Variants in ANKRD33B observed in about 807,000 individuals in gnomAD.
ANKRD33B encodes ankyrin repeat domain-containing protein 33B.
ANKRD33B carries 6 observed loss-of-function variants against 21.5 expected under a neutral mutation model. The observed-to-expected ratio is 0.28, with a 90% confidence interval of 0.15 to 0.55. ANKRD33B has a LOEUF of 0.55. Among genes scored for constraint, ANKRD33B ranks in the 20% least tolerant of loss-of-function variants. The pLI is 0.94. For synonymous variants in ANKRD33B, 347 were observed against 342.4 expected (o/e 1.01, Z -0.15); for missense variants, 698 against 747.2 (o/e 0.93, Z 0.77).
At chr5:10,582,739 G>A (rs2126553774) in intron 1 of ANKRD33B, among the ~76,000 whole-genome samples, 1 of 152,266 alleles carries the variant, frequency 6.6e-6, no homozygotes, top group African/African-American at 2.4e-5. Flanking sequence ...TGACTGCAAG[G>A]CCACTCAGAG....
chr5:10,601,825 G>A (rs553995890), intron 1 of ANKRD33B, among the ~76,000 whole-genome samples: 1 of 152,196 alleles, frequency 6.6e-6, no homozygotes, highest in Non-Finnish European at 1.5e-5. Flanking sequence ...ACAATATCTC[G>A]AGATCTGCCC....
Position 10,569,255 on chromosome 5 carries a change from C to CCT in ANKRD33B, c.366+4425_366+4426dup, listed in dbSNP as rs1218437842. On this transcript the variant is annotated intron_variant, in intron 1 of 3. Coordinates refer to ENST00000296657, the MANE Select transcript of ANKRD33B (RefSeq NM_001164440.2). ...ATAGAAAGTGAATTCTGGCCTCAGGCCTCTGTATGCTTGCGGAGGGCCTGC... is the reference window on the plus strand; with the variant it reads ...ATAGAAAGTGAATTCTGGCCTCAGGCCTCTCTGTATGCTTGCGGAGGGCCTGC... 6.6e-5 allele frequency among the ~76,000 whole-genome samples: 10 copies of CCT among 152,246 alleles called. No individual in the cohort carries two copies. In the East Asian group the frequency reaches 1.9e-3, roughly 29 times the overall value.
intron 1 of ANKRD33B, among the ~76,000 whole-genome samples, chr5:10,590,631 C>G (rs1409725876): frequency 2.6e-5 from 4 of 151,946 alleles, no homozygotes; most frequent in African/African-American, 9.7e-5. Flanking sequence ...TGTGTGTTTT[C>G]AGCCAGTGTT....
At chr5:10,628,433 C>A (rs1486297246) in intron 2 of ANKRD33B, among the ~76,000 whole-genome samples, 1 of 152,164 alleles carries the variant, frequency 6.6e-6, no homozygotes, top group African/African-American at 2.4e-5. Context: ...CCACCCACTT[C>A]GGCCTCCCAA....
intron 2 of ANKRD33B, among the ~76,000 whole-genome samples, chr5:10,620,502 A>T (rs1263912634): frequency 6.6e-6 from 1 of 152,184 alleles, no homozygotes; most frequent in African/African-American, 2.4e-5. Flanking sequence ...TGGGACAAGG[A>T]TTAGGTCATG....
chr5:10,595,870 G>A (rs980892052), intron 1 of ANKRD33B, among the ~76,000 whole-genome samples: 5 of 152,156 alleles, frequency 3.3e-5, no homozygotes, highest in African/African-American at 9.7e-5. Flanking sequence ...CTCTGTGAAC[G>A]AGCAGGTGTG....
intron 1 of ANKRD33B, among the ~76,000 whole-genome samples, chr5:10,608,076 CG>C (rs1433793676): frequency 6.6e-6 from 1 of 151,680 alleles, no homozygotes; most frequent in Non-Finnish European, 1.5e-5. Flanking sequence ...AGGCTGAGTA[CG>C]GGGGCTCACG....
intron 1 of ANKRD33B, among the ~76,000 whole-genome samples, chr5:10,602,757 A>G (rs1419668044): frequency 6.6e-6 from 1 of 152,042 alleles, no homozygotes; most frequent in Non-Finnish European, 1.5e-5. Context: ...GAACTTATAA[A>G]GCTGATCATA....
chr5:10,633,820 AGTTTT>A (rs1736792322), intron 2 of ANKRD33B, among the ~76,000 whole-genome samples: 1 of 152,034 alleles, frequency 6.6e-6, no homozygotes, highest in African/African-American at 2.4e-5. Flanking sequence ...TGGAGTTATG[AGTTTT>A]TGGAGGAAGA....
chr5:10,628,733 A>G (rs1334589713), intron 2 of ANKRD33B, among the ~76,000 whole-genome samples: 3 of 152,218 alleles, frequency 2.0e-5, no homozygotes, highest in Admixed American at 6.5e-5. Context: ...ACCCCAGAGC[A>G]TGCAGTCAGT....
rs2126583187 is a variant in ANKRD33B, at chr5:10,619,456, T to C, written c.496+994T>C. 2.2e-6 allele frequency: 2 copies of C among 916,744 alleles called. No individual in the cohort carries two copies. The allele number at this position is 916,744 out of a possible 1,614,324, so 56.8% of individuals were successfully genotyped here. A position where few individuals can be genotyped will look rare whatever the true frequency, so the allele number is the denominator to read the frequency against. Reference sequence around the variant, plus strand: ...CCTTGTCCCTTGTTGCTTCACAAGCTCCTGGACCAAAGCCACCCTGGGTGG... The same window carrying C: ...CCTTGTCCCTTGTTGCTTCACAAGCCCCTGGACCAAAGCCACCCTGGGTGG... On this transcript the variant is annotated intron_variant, in intron 2 of 3. Transcript: ENST00000296657. The surrounding 1 kb of genome is among the most constrained non-coding windows in gnomAD (Gnocchi z 4.5).
intron 1 of ANKRD33B, among the ~76,000 whole-genome samples, chr5:10,593,222 A>G (rs1233543721): frequency 2.0e-5 from 3 of 152,218 alleles, no homozygotes; most frequent in African/African-American, 4.8e-5. Context: ...GTCAACTGGC[A>G]TAATAGGACT....
At position 10,576,234 on chromosome 5, in the gene ANKRD33B, G is replaced by A. The variant is rs1308509318; in HGVS notation, c.366+11401G>A. ...TGTTTCCATGAATCGATTGAATTTT[G>A]GACATGAAAGCAGGGTCAGACCTAG... On this transcript the variant is annotated intron_variant, in intron 1 of 3. Coordinates refer to ENST00000296657, the MANE Select transcript of ANKRD33B (RefSeq NM_001164440.2). The surrounding 1 kb of genome is among the most constrained non-coding windows in gnomAD (Gnocchi z 4.1). Among the ~76,000 whole-genome samples the A allele has an allele frequency of 6.6e-6, 1 of 152,142 alleles. No individual in the cohort carries two copies. The highest frequency in any genetic ancestry group is 6.5e-5 in the Admixed American group (1 of 15,280).
At chr5:10,613,809 A>G (rs1736224843) in intron 1 of ANKRD33B, among the ~76,000 whole-genome samples, 3 of 151,730 alleles carry the variant, frequency 2.0e-5, no homozygotes. Context: ...CTGAGGCAGG[A>G]GAATTGCTTG....
chr5:10,649,094 C>G (rs1318351128), intron 3 of ANKRD33B, among the ~76,000 whole-genome samples, 172 bp from the exon 4 acceptor site: 1 of 121,514 alleles, frequency 8.2e-6, no homozygotes, highest in Non-Finnish European at 1.8e-5. Flanking sequence ...GGCCCGCCTT[C>G]CGGCGCTCAG....
In ANKRD33B at chr5:10,564,355, G is replaced by A. The variant is rs941087415; in HGVS notation, c.-113G>A. On this transcript the variant is annotated 5_prime_UTR_variant, in exon 1 of 4. Transcript: ENST00000296657. ...GGTTTCCGCCGAGCTGGAGCGCGCG[G>A]GCCACGGCTTCTCTGGGGACGCAGA... 13 of 758,670 alleles carry A rather than the reference G, an allele frequency of 1.7e-5. No individual in the cohort carries two copies. Among genetic ancestry groups the A allele is most frequent in the Non-Finnish European group, 2.1e-5 (13 of 618,500 alleles). The allele number at this position is 758,670 out of a possible 1,614,324, so 47.0% of individuals were successfully genotyped here. A position where few individuals can be genotyped will look rare whatever the true frequency, so the allele number is the denominator to read the frequency against.
At chr5:10,615,479 C>T (rs1316529734) in intron 1 of ANKRD33B, among the ~76,000 whole-genome samples, 2 of 152,164 alleles carry the variant, frequency 1.3e-5, no homozygotes, top group Admixed American at 1.3e-4. Flanking sequence ...GACAATTCTA[C>T]CCCACATAGA....
At chr5:10,643,670 T>A (rs1051885981) in intron 3 of ANKRD33B, among the ~76,000 whole-genome samples, 1 of 150,974 alleles carries the variant, frequency 6.6e-6, no homozygotes, top group Non-Finnish European at 1.5e-5. Context: ...ACAAAAAAAA[T>A]TTAGCCGGGC....
chr5:10,622,734 A>T (rs1236358204), intron 2 of ANKRD33B, among the ~76,000 whole-genome samples: 1 of 151,666 alleles, frequency 6.6e-6, no homozygotes, highest in Non-Finnish European at 1.5e-5. Context: ...CCTGTAGCCC[A>T]GCCCCTTCTT....
Sources: allele counts gnomAD v4.1 joint callset (sites outside exome capture counted in the v4.1 genomes callset), GRCh38; gene constraint gnomAD v4.1.1; non-coding constraint Gnocchi (gnomAD v3.1); transcripts MANE v1.5; gene names NCBI Gene and HGNC (gene_info 2026-07-23, HGNC 2026-07-21).